Variants in PDE8B observed in about 807,000 individuals in gnomAD.
PDE8B encodes high affinity cAMP-specific and IBMX-insensitive 3',5'-cyclic phosphodiesterase 8B.
A neutral mutation model predicts 101.3 loss-of-function variants in PDE8B; 26 were observed. The ratio of observed to expected loss-of-function variants is 0.26; its 90% CI spans 0.19 to 0.36. The LOEUF is 0.36. PDE8B is among the 10% of genes least tolerant of loss of function. The probability of loss-of-function intolerance (pLI) is 1.00; values close to 1 mark genes in which losing one functional copy is unlikely to be tolerated. For missense variants in PDE8B, 810 were observed against 1,163.1 expected (o/e 0.70, Z 4.42); for synonymous variants, 424 against 429.3 (o/e 0.99, Z 0.15).
At chr5:77,243,225 C>T (rs1022328515) in intron 1 of PDE8B, among the ~76,000 whole-genome samples, 21 of 151,916 alleles carry the variant, frequency 1.4e-4, no homozygotes, top group African/African-American at 5.1e-4. Context: ...ATGGTATGTC[C>T]ATAGATAAAA....
chr5:77,407,965 G>GT (rs1223009880), intron 13 of PDE8B, among the ~76,000 whole-genome samples: 2 of 152,164 alleles, frequency 1.3e-5, no homozygotes, highest in African/African-American at 4.8e-5. Context: ...TTGTATCTTA[G>GT]TTTATGTGCA....
At chr5:77,327,844 T>C (rs902144229) in intron 3 of PDE8B, among the ~76,000 whole-genome samples, 1 of 152,170 alleles carries the variant, frequency 6.6e-6, no homozygotes, top group African/African-American at 2.4e-5. Flanking sequence ...CCTGGGAATA[T>C]GGCAGCCGAT....
chr5:77,228,762 A>G (rs1372173276), intron 1 of PDE8B, among the ~76,000 whole-genome samples: 1 of 152,190 alleles, frequency 6.6e-6, no homozygotes, highest in Non-Finnish European at 1.5e-5. Flanking sequence ...GACTTTATCA[A>G]GGTGATCACA....
intron 1 of PDE8B, among the ~76,000 whole-genome samples, chr5:77,229,482 A>C (rs561382260): frequency 3.7e-4 from 56 of 152,306 alleles, no homozygotes; most frequent in African/African-American, 1.3e-3. Context: ...TGAAGTGCAC[A>C]GTTCTTTGCT....
intron 1 of PDE8B, among the ~76,000 whole-genome samples, chr5:77,251,883 C>T (rs1203101354): frequency 6.6e-6 from 1 of 152,214 alleles, no homozygotes; most frequent in East Asian, 1.9e-4. Flanking sequence ...ATCCTCTTCT[C>T]ATAGTTTCCA....
At chr5:77,282,072 T>C (rs1222300561) in intron 1 of PDE8B, among the ~76,000 whole-genome samples, 1 of 152,108 alleles carries the variant, frequency 6.6e-6, no homozygotes. Flanking sequence ...GGAAGCCACA[T>C]GCAATCCTGT....
At chr5:77,205,976 C>T (rs1202883520), upstream of PDE8B, among the ~76,000 whole-genome samples, 1 of 152,070 alleles carries the variant, frequency 6.6e-6, no homozygotes, top group East Asian at 1.9e-4. Context: ...TTTTATTATT[C>T]TGGCTTTTTC....
intron 10 of PDE8B, among the ~76,000 whole-genome samples, chr5:77,367,079 A>G (rs947234748): frequency 3.3e-5 from 5 of 152,130 alleles, no homozygotes; most frequent in African/African-American, 1.2e-4. Flanking sequence ...CCTTTCAAAA[A>G]TTCTTTTTAG....
chr5:77,166,495 T>C, the PDE8B span, among the ~76,000 whole-genome samples: 2 of 152,146 alleles, frequency 1.3e-5, no homozygotes, highest in Non-Finnish European at 2.9e-5. Flanking sequence ...GTTAGAAATC[T>C]CATTCTAAAA....
intron 2 of PDE8B, among the ~76,000 whole-genome samples, chr5:77,324,613 C>T (rs1444957097): frequency 3.3e-5 from 5 of 152,164 alleles, no homozygotes; most frequent in African/African-American, 4.8e-5. Context: ...ACTTTTCCCT[C>T]GACTTAGCTC....
At chr5:77,285,251 A>T (rs1229699247) in intron 1 of PDE8B, among the ~76,000 whole-genome samples, 1 of 152,250 alleles carries the variant, frequency 6.6e-6, no homozygotes, top group Non-Finnish European at 1.5e-5. Context: ...CCTAGATAAA[A>T]TAACCTTTTA....
chr5:77,384,839 G>T (rs1788217364), intron 10 of PDE8B, among the ~76,000 whole-genome samples: 1 of 152,158 alleles, frequency 6.6e-6, no homozygotes. Flanking sequence ...GATCGTGGTG[G>T]ATAAGCTTTA....
intron 1 of PDE8B, among the ~76,000 whole-genome samples, chr5:77,238,029 A>C (rs115025898): frequency 6.6e-6 from 1 of 151,994 alleles, no homozygotes; most frequent in African/African-American, 2.4e-5. Context: ...ATTTTTCATT[A>C]TCTTTAGTTT....
At chr5:77,155,322 T>A in the PDE8B span, among the ~76,000 whole-genome samples, 1 of 152,206 alleles carries the variant, frequency 6.6e-6, no homozygotes, top group Non-Finnish European at 1.5e-5. Flanking sequence ...CGCAGGCAGG[T>A]CCGCCCCATA....
chr5:77,370,963 AAT>A (rs1184972581), intron 10 of PDE8B, among the ~76,000 whole-genome samples: 2 of 152,128 alleles, frequency 1.3e-5, no homozygotes, highest in South Asian at 4.2e-4. Flanking sequence ...TGTCTACTCA[AAT>A]CCTTTGCTAT....
Position 77,329,074 on chromosome 5 carries a change from T to G in PDE8B, c.650+17T>G, listed in dbSNP as rs779147669. ...TTCGCGAGTGTAAGTGCACCTCCCA[T>G]TCCCAGATGGAAGGAGTACTGTTCA... On this transcript the variant is annotated intron_variant, in intron 4 of 21. Coordinates refer to ENST00000264917, the MANE Select transcript of PDE8B (RefSeq NM_003719.5). The G allele has an allele frequency of 3.1e-6, 5 of 1,593,624 alleles. No homozygotes were observed. In the East Asian group the frequency reaches 1.1e-4, roughly 36 times the overall value.
intron 1 of PDE8B, among the ~76,000 whole-genome samples, chr5:77,255,771 A>G (rs1219480458): frequency 6.6e-6 from 1 of 152,234 alleles, no homozygotes; most frequent in Non-Finnish European, 1.5e-5. Flanking sequence ...TGACAGTGTC[A>G]TGGTACATTC....
At chr5:77,316,400 A>C (rs1188106866) in intron 2 of PDE8B, among the ~76,000 whole-genome samples, 1 of 151,986 alleles carries the variant, frequency 6.6e-6, no homozygotes, top group African/African-American at 2.4e-5. Flanking sequence ...AGCCTGGCTA[A>C]TTTTTGTATT....
intron 1 of PDE8B, among the ~76,000 whole-genome samples, chr5:77,247,338 C>T (rs1271644751): frequency 6.6e-6 from 1 of 152,190 alleles, no homozygotes. Flanking sequence ...AGGTGTGATG[C>T]GGTCCTGGCA....
Sources: gnomAD v4.1 joint callset for allele counts (sites outside exome capture counted in the v4.1 genomes callset) on GRCh38, gnomAD v4.1.1 for gene constraint, MANE v1.5 for transcripts, NCBI Gene and HGNC (gene_info 2026-07-23, HGNC 2026-07-21) for gene names.